Variants in DMD observed in about 807,000 individuals in gnomAD.
The protein encoded by DMD is mutant dystrophin.
Under a neutral mutation model 330.1 loss-of-function variants are expected in DMD, and 63 were observed. That is an observed-to-expected ratio of 0.19 (90% CI 0.16 to 0.24). DMD has a LOEUF of 0.24. DMD is among the 10% of genes least tolerant of loss of function. DMD has a pLI of 1.00. For synonymous variants in DMD, 1,223 were observed against 959.8 expected, an observed-to-expected ratio of 1.27 and a Z score of -5.07; for missense variants, 3,344 against 2,684.1, an observed-to-expected ratio of 1.25 and a Z score of -5.43.
chrX:33,077,559 T>C (rs1177038586), intron 1 of DMD, among the ~76,000 whole-genome samples: 1 of 110,728 alleles, frequency 9.0e-6, no homozygotes, highest in East Asian at 2.9e-4. Context: ...GTGAGAAGAG[T>C]GGAACTGCTT....
chrX:32,731,065 G>C (rs1025375096), intron 7 of DMD, among the ~76,000 whole-genome samples: 1 of 111,461 alleles, frequency 9.0e-6, no homozygotes, highest in Non-Finnish European at 1.9e-5. Flanking sequence ...CACCGTGCGC[G>C]ACCCGAAGCA....
intron 37 of DMD, among the ~76,000 whole-genome samples, chrX:32,349,062 T>C (rs777475463): frequency 9.9e-5 from 11 of 111,465 alleles, no homozygotes; most frequent in African/African-American, 3.6e-4. Flanking sequence ...TAGCTTGCCT[T>C]AGGAACAGTT....
At chrX:32,978,505 T>C (rs938026926) in intron 2 of DMD, among the ~76,000 whole-genome samples, 1 of 112,306 alleles carries the variant, frequency 8.9e-6, no homozygotes, top group African/African-American at 3.2e-5. Context: ...GGTCTCACTC[T>C]CTCACCCAGA....
chrX:32,094,469 T>C (rs970739829), intron 44 of DMD, among the ~76,000 whole-genome samples: 3 of 112,078 alleles, frequency 2.7e-5, no homozygotes, highest in Non-Finnish European at 5.6e-5. Context: ...ATATCAATAA[T>C]GCCAAAATGT....
At chrX:33,236,357 C>A (rs1255404235) in intron 1 of DMD, among the ~76,000 whole-genome samples, 1 of 108,015 alleles carries the variant, frequency 9.3e-6, no homozygotes, top group East Asian at 2.9e-4. Flanking sequence ...CTCAGCCTTC[C>A]AGGTTCTAGT....
chrX:33,204,901 A>T (rs1214184699), intron 1 of DMD, among the ~76,000 whole-genome samples: 1 of 112,649 alleles, frequency 8.9e-6, no homozygotes, highest in African/African-American at 3.2e-5. Context: ...AAAGTAAAAC[A>T]CTGCAAAAGC....
chrX:32,991,151 T>C (rs1458546968), intron 2 of DMD, among the ~76,000 whole-genome samples: 10 of 111,528 alleles, frequency 9.0e-5, no homozygotes, highest in Non-Finnish European at 1.3e-4. Context: ...ATATATATTA[T>C]CTAAAATTTG....
At chrX:31,950,987 T>G (rs1323629901) in intron 45 of DMD, among the ~76,000 whole-genome samples, 1 of 106,317 alleles carries the variant, frequency 9.4e-6, no homozygotes, top group East Asian at 2.9e-4. Context: ...GATATGTAGG[T>G]TGAGTATCCC....
intron 1 of DMD, among the ~76,000 whole-genome samples, chrX:33,036,834 C>T (rs1380969590): frequency 9.1e-6 from 1 of 109,591 alleles, no homozygotes; most frequent in Non-Finnish European, 1.9e-5. Flanking sequence ...CATACATATA[C>T]ATATACACAT....
chrX:31,868,186 C>A (rs980625812), intron 48 of DMD, among the ~76,000 whole-genome samples: 2 of 112,109 alleles, frequency 1.8e-5, no homozygotes, highest in Admixed American at 9.5e-5. Context: ...CAAGATCAAG[C>A]AAGACAAGAA....
intron 30 of DMD, among the ~76,000 whole-genome samples, chrX:32,399,559 T>C (rs1263341260): frequency 9.0e-6 from 1 of 111,312 alleles, no homozygotes; most frequent in East Asian, 2.8e-4. Context: ...TCAAATGGTT[T>C]TATTTATAAA....
chrX:32,493,255 A>G (rs1218580179), intron 19 of DMD, among the ~76,000 whole-genome samples: 3 of 111,980 alleles, frequency 2.7e-5, no homozygotes, highest in Non-Finnish European at 1.9e-5. Flanking sequence ...ATGTCCCTCA[A>G]TTCATTTGAA....
At chrX:32,724,072 T>C (rs1255939557) in intron 7 of DMD, among the ~76,000 whole-genome samples, 1 of 111,897 alleles carries the variant, frequency 8.9e-6, no homozygotes, top group East Asian at 2.8e-4. Flanking sequence ...TTTCAAATGA[T>C]GACAATTAGA....
chrX:32,620,833 A>G (rs986911736), intron 11 of DMD, among the ~76,000 whole-genome samples: 1 of 112,261 alleles, frequency 8.9e-6, no homozygotes, highest in Non-Finnish European at 1.9e-5. Context: ...ATTTATATAC[A>G]TTCCTGAGGG....
At chrX:32,431,864 G>A (rs1314747478) in intron 29 of DMD, among the ~76,000 whole-genome samples, 1 of 111,005 alleles carries the variant, frequency 9.0e-6, no homozygotes, top group African/African-American at 3.3e-5. Context: ...TTTCTTGTGC[G>A]TGTGAGTGAG....
chrX:32,793,696 G>C (rs187462288), intron 7 of DMD, among the ~76,000 whole-genome samples: 1 of 111,525 alleles, frequency 9.0e-6, no homozygotes, highest in Non-Finnish European at 1.9e-5. Flanking sequence ...ACAACCAACC[G>C]TGGATCAAGA....
At chrX:32,298,670 C>A (rs1339579516) in intron 42 of DMD, among the ~76,000 whole-genome samples, 1 of 110,548 alleles carries the variant, frequency 9.0e-6, no homozygotes, top group Non-Finnish European at 1.9e-5. Context: ...CCAAACCCAA[C>A]CCTGTAGACA....
chrX:31,242,538 T>C (rs952936846), intron 63 of DMD, among the ~76,000 whole-genome samples: 4 of 111,355 alleles, frequency 3.6e-5, no homozygotes, highest in Non-Finnish European at 7.5e-5. Context: ...CTTAATCTTA[T>C]TTAAGTTGGT....
At chrX:32,796,281 T>C (rs965621834) in intron 7 of DMD, among the ~76,000 whole-genome samples, 1 of 111,440 alleles carries the variant, frequency 9.0e-6, no homozygotes, top group Non-Finnish European at 1.9e-5. Context: ...AGTGGAATAC[T>C]CTTCATCCAT....
Sources: gnomAD v4.1 joint callset for allele counts (sites outside exome capture counted in the v4.1 genomes callset) on GRCh38, gnomAD v4.1.1 for gene constraint, MANE v1.5 for transcripts, NCBI Gene and HGNC (gene_info 2026-07-23, HGNC 2026-07-21) for gene names.